The following EXOC4 variants were observed in gnomAD, a reference collection of about 807,000 sequenced individuals.
EXOC4 encodes the protein exocyst complex component 4, also known as SEC8-like 1.
EXOC4 carries 71 observed loss-of-function variants against 107.2 expected under a neutral mutation model. The observed-to-expected ratio is 0.66, with a 90% CI of 0.55 to 0.81. The LOEUF (loss-of-function observed/expected upper bound fraction) is 0.81. EXOC4 is among the 30% of genes least tolerant of loss of function. The probability of loss-of-function intolerance (pLI) is 0.00; values close to 1 mark genes in which losing one functional copy is unlikely to be tolerated. For missense variants in EXOC4, 1,108 were observed against 1,189.6 expected, an observed-to-expected ratio of 0.93 and a Z score of 1.01; for synonymous variants, 456 against 441.2, an observed-to-expected ratio of 1.03 and a Z score of -0.42.
intron 11 of EXOC4, among the ~76,000 whole-genome samples, chr7:133,873,369 T>C (rs1798787928): frequency 6.6e-6 from 1 of 152,198 alleles, no homozygotes; most frequent in South Asian, 2.1e-4. Flanking sequence ...CTGTTAATGA[T>C]ACCTCACACC....
At chr7:133,929,561 G>A (rs1800130248) in intron 13 of EXOC4, among the ~76,000 whole-genome samples, 1 of 151,820 alleles carries the variant, frequency 6.6e-6, no homozygotes, top group Admixed American at 6.6e-5. Context: ...TAGTATCTCT[G>A]TTTTTTTACT....
At chr7:133,331,978 T>A (rs1795405864) in intron 5 of EXOC4, among the ~76,000 whole-genome samples, 1 of 152,220 alleles carries the variant, frequency 6.6e-6, no homozygotes, top group Non-Finnish European at 1.5e-5. Context: ...GGTAGAAGGA[T>A]GGGAGAAGTG....
chr7:133,512,527 A>G (rs1415356606), intron 9 of EXOC4, among the ~76,000 whole-genome samples: 3 of 152,086 alleles, frequency 2.0e-5, no homozygotes, highest in African/African-American at 7.2e-5. Flanking sequence ...AGCATCAGGG[A>G]GATGGAGCAG....
intron 9 of EXOC4, among the ~76,000 whole-genome samples, chr7:133,532,838 C>A (rs1800205393): frequency 6.6e-6 from 1 of 152,022 alleles, no homozygotes; most frequent in Non-Finnish European, 1.5e-5. Context: ...ATAATTTAAA[C>A]AATTACGTGT....
chr7:133,568,000 CTT>C (rs1171517829), intron 9 of EXOC4, among the ~76,000 whole-genome samples: 1 of 152,188 alleles, frequency 6.6e-6, no homozygotes. Context: ...CCATTTTACA[CTT>C]TTACCAAGTA....
chr7:133,548,559 A>G (rs952820941), intron 9 of EXOC4, among the ~76,000 whole-genome samples: 13 of 152,196 alleles, frequency 8.5e-5, no homozygotes, highest in Non-Finnish European at 1.8e-4. Context: ...TCTTGGCTAG[A>G]TCTTCTGAAT....
At chr7:133,904,640 C>T (rs547591925) in intron 12 of EXOC4, among the ~76,000 whole-genome samples, 1 of 152,260 alleles carries the variant, frequency 6.6e-6, no homozygotes, top group Non-Finnish European at 1.5e-5. Flanking sequence ...ACCATAGTTG[C>T]TGAATGATGG....
intron 10 of EXOC4, among the ~76,000 whole-genome samples, chr7:133,743,498 TC>T (rs1313604043): frequency 6.6e-6 from 1 of 152,198 alleles, no homozygotes; most frequent in Non-Finnish European, 1.5e-5. Context: ...GTCATCAGTT[TC>T]TGTACTACTG....
At chr7:133,267,578 G>A (rs1409876710) in intron 1 of EXOC4, among the ~76,000 whole-genome samples, 1 of 152,136 alleles carries the variant, frequency 6.6e-6, no homozygotes, top group East Asian at 1.9e-4. Context: ...CTTTTGCGTA[G>A]CTGTTACCTC....
chr7:133,670,018 A>G (rs904059583), intron 10 of EXOC4, among the ~76,000 whole-genome samples: 56 of 152,146 alleles, frequency 3.7e-4, no homozygotes, highest in African/African-American at 1.3e-3. Context: ...GATTTCCTGA[A>G]GGTTAGTTCC....
chr7:133,710,820 A>C (rs1794876088), intron 10 of EXOC4, among the ~76,000 whole-genome samples: 1 of 145,704 alleles, frequency 6.9e-6, no homozygotes, highest in Non-Finnish European at 1.5e-5. Context: ...TTTTGTTTTG[A>C]CATGATACTT....
At chr7:133,834,469 C>A (rs550293216) in intron 11 of EXOC4, among the ~76,000 whole-genome samples, 50 of 152,332 alleles carry the variant, frequency 3.3e-4, no homozygotes, top group African/African-American at 1.1e-3. Flanking sequence ...GGACTTGCAT[C>A]AGGAATAAAG....
At chr7:133,788,208 G>T (rs1796628486) in intron 10 of EXOC4, among the ~76,000 whole-genome samples, 1 of 150,198 alleles carries the variant, frequency 6.7e-6, no homozygotes, top group African/African-American at 2.4e-5. Context: ...TATTCCATCA[G>T]ATCCACTCCC....
intron 7 of EXOC4, among the ~76,000 whole-genome samples, chr7:133,448,219 A>G (rs1313997386): frequency 6.6e-6 from 1 of 152,172 alleles, no homozygotes; most frequent in Non-Finnish European, 1.5e-5. Context: ...TAGATAACTA[A>G]TACTGGAGCT....
In EXOC4 at chr7:133,675,596, G is replaced by T. The variant is rs186192235; in HGVS notation, c.1514+45455G>T. ...TTTATTCTGGAAGATTTTTAGGTCT[G>T]ATTTACTAGTTGTCTACTTCTATGT... On this transcript the variant is annotated intron_variant, in intron 10 of 17. Coordinates refer to ENST00000253861, the MANE Select transcript of EXOC4 (RefSeq NM_021807.4). Among the ~76,000 whole-genome samples, 489 of 152,252 alleles carry T rather than the reference G, an allele frequency of 3.2e-3. 3 individuals carry two copies. The highest frequency in any genetic ancestry group is 5.1e-3 in the Non-Finnish European group (345 of 68,002).
At chr7:133,328,494 T>A (rs2150599941) in intron 5 of EXOC4, among the ~76,000 whole-genome samples, 1 of 151,758 alleles carries the variant, frequency 6.6e-6, no homozygotes. Flanking sequence ...TTATTTTGCC[T>A]GTTGATGCAG....
At chr7:133,912,871 G>A (rs960196504) in intron 12 of EXOC4, among the ~76,000 whole-genome samples, 8 of 152,134 alleles carry the variant, frequency 5.3e-5, no homozygotes, top group Non-Finnish European at 1.0e-4. Context: ...CTTGGGTCCC[G>A]CAGCCCAGAG....
chr7:134,020,515 AG>A (rs1232717811), intron 17 of EXOC4, among the ~76,000 whole-genome samples: 1 of 152,214 alleles, frequency 6.6e-6, no homozygotes. Flanking sequence ...ATGACACACA[AG>A]GTGGTCACCA....
At chr7:133,952,031 C>T (rs1800703393) in intron 14 of EXOC4, among the ~76,000 whole-genome samples, 1 of 152,140 alleles carries the variant, frequency 6.6e-6, no homozygotes, top group Admixed American at 6.5e-5. Context: ...TGGCAGGCAC[C>T]TGTAATCTCA....
Sources: gnomAD v4.1 joint callset for allele counts (sites outside exome capture counted in the v4.1 genomes callset) on GRCh38, gnomAD v4.1.1 for gene constraint, MANE v1.5 for transcripts, NCBI Gene and HGNC (gene_info 2026-07-23, HGNC 2026-07-21) for gene names.